Variants in PCDH15 observed in about 807,000 individuals in gnomAD.
PCDH15 encodes protocadherin related 15.
In PCDH15, 129 loss-of-function variants were observed where a neutral mutation model predicts 178.5. The observed-to-expected ratio is 0.72, with a 90% CI of 0.63 to 0.84. PCDH15 has a LOEUF of 0.84. PCDH15 is among the 40% of genes least tolerant of loss of function. The pLI is 0.00. For synonymous variants in PCDH15, 800 were observed against 732.0 expected, an observed-to-expected ratio of 1.09 and a Z score of -1.50; for missense variants, 2,230 against 2,099.9, an observed-to-expected ratio of 1.06 and a Z score of -1.21.
At chr10:55,590,206 C>G (rs1437834209) in intron 2 of PCDH15, among the ~76,000 whole-genome samples, 1 of 151,080 alleles carries the variant, frequency 6.6e-6, no homozygotes, top group African/African-American at 2.4e-5. Context: ...AGTAAACTAT[C>G]ACAAGGACAA....
chr10:54,180,191 T>C (rs1187828912), intron 13 of PCDH15, among the ~76,000 whole-genome samples: 2 of 152,192 alleles, frequency 1.3e-5, no homozygotes, highest in Non-Finnish European at 2.9e-5. Context: ...CTAAGTGTTG[T>C]TCATGACCCA....
chr10:54,532,212 GA>G (rs1027901868), intron 2 of PCDH15, among the ~76,000 whole-genome samples: 1 of 152,066 alleles, frequency 6.6e-6, no homozygotes, highest in African/African-American at 2.4e-5. Flanking sequence ...ATTTTTAAAA[GA>G]ATTTACCATT....
chr10:55,274,454 G>A (rs574679196), intron 1 of PCDH15, among the ~76,000 whole-genome samples: 3 of 151,866 alleles, frequency 2.0e-5, no homozygotes, highest in Non-Finnish European at 4.4e-5. Context: ...TTTCCCAATG[G>A]GAACTAACCT....
chr10:53,810,286 C>A (rs1049834119), intron 37 of PCDH15, among the ~76,000 whole-genome samples: 8 of 152,018 alleles, frequency 5.3e-5, no homozygotes, highest in African/African-American at 1.9e-4. Flanking sequence ...CTTTATGGAG[C>A]AAGATTTAGA....
intron 2 of PCDH15, among the ~76,000 whole-genome samples, chr10:54,551,885 C>T (rs904081765): frequency 7.9e-5 from 12 of 151,936 alleles, no homozygotes; most frequent in African/African-American, 2.9e-4. Context: ...ATGAGAAACT[C>T]ATGTGTTTTC....
chr10:55,556,765 C>T (rs1281793454), intron 2 of PCDH15, among the ~76,000 whole-genome samples: 5 of 152,124 alleles, frequency 3.3e-5, no homozygotes, highest in Admixed American at 6.6e-5. Flanking sequence ...CGCTTGGACC[C>T]GGGAGGCAAA....
intron 2 of PCDH15, among the ~76,000 whole-genome samples, chr10:55,090,251 G>T (rs923582227): frequency 2.0e-5 from 3 of 151,622 alleles, no homozygotes; most frequent in African/African-American, 7.3e-5. Flanking sequence ...TAGTTACTGG[G>T]GTCTTCAGTA....
At chr10:53,937,877 T>G (rs141980037) in intron 25 of PCDH15, among the ~76,000 whole-genome samples, 1 of 152,234 alleles carries the variant, frequency 6.6e-6, no homozygotes, top group East Asian at 1.9e-4. Flanking sequence ...CTGAAATGCC[T>G]TGAAATGATG....
chr10:55,191,691 T>G (rs2132146618), intron 1 of PCDH15, among the ~76,000 whole-genome samples: 1 of 152,054 alleles, frequency 6.6e-6, no homozygotes, highest in East Asian at 1.9e-4. Flanking sequence ...GCACTTAATT[T>G]TATGAAGGTT....
At chr10:54,878,571 C>CT (rs1047240234) in intron 3 of PCDH15, among the ~76,000 whole-genome samples, 10 of 151,344 alleles carry the variant, frequency 6.6e-5, no homozygotes, top group African/African-American at 9.7e-5. Flanking sequence ...CAAACTTTCT[C>CT]TTTTTTTTTG....
chr10:55,458,923 T>C (rs1285461647), intron 2 of PCDH15, among the ~76,000 whole-genome samples: 1 of 152,006 alleles, frequency 6.6e-6, no homozygotes, highest in Non-Finnish European at 1.5e-5. Flanking sequence ...TTTATAACTA[T>C]AAGAACATGC....
intron 23 of PCDH15, among the ~76,000 whole-genome samples, chr10:53,945,628 A>G (rs560408151): frequency 2.2e-4 from 34 of 151,772 alleles, no homozygotes; most frequent in Non-Finnish European, 3.5e-4. Context: ...CAGCTGTTTT[A>G]GATTCCATAT....
chr10:54,367,364 G>A (rs1252125782), intron 5 of PCDH15, among the ~76,000 whole-genome samples: 4 of 147,182 alleles, frequency 2.7e-5, no homozygotes, highest in African/African-American at 5.1e-5. Flanking sequence ...TGATATTTGA[G>A]AAGTTACTGT....
In PCDH15 at chr10:55,016,189, C is replaced by T. The variant is rs12569390; in HGVS notation, c.-79-118689G>A. 5.7e-3 allele frequency among the ~76,000 whole-genome samples: 857 copies of T among 150,320 alleles called. 35 individuals are homozygous for T. The East Asian group carries it at 0.11, about 19-fold the overall frequency. ...GATATTTTGATACAGGCATACAATG[C>T]GTAATAATCACATCAGGGTAAATGT... On this transcript the variant is annotated intron_variant, in intron 2 of 5. Coordinates refer to the PCDH15 transcript ENST00000458638.
chr10:55,147,792 C>T (rs1289180987), intron 2 of PCDH15, among the ~76,000 whole-genome samples: 2 of 147,758 alleles, frequency 1.4e-5, no homozygotes, highest in Non-Finnish European at 3.0e-5. Flanking sequence ...AGGTATATCT[C>T]CTCTTTCTTC....
intron 1 of PCDH15, among the ~76,000 whole-genome samples, chr10:55,292,587 G>A: frequency 6.6e-6 from 1 of 152,040 alleles, no homozygotes. Flanking sequence ...TCACCATGTT[G>A]GCCAGGCTGG....
intron 2 of PCDH15, among the ~76,000 whole-genome samples, chr10:54,610,146 A>C (rs114827133): frequency 0.013 from 1,926 of 151,920 alleles, 44 homozygotes; most frequent in African/African-American, 0.044. Flanking sequence ...ATACTCTTGG[A>C]AGGTAAAGAG....
At chr10:53,957,558 T>C (rs1463724461) in intron 23 of PCDH15, among the ~76,000 whole-genome samples, 2 of 148,920 alleles carry the variant, frequency 1.3e-5, no homozygotes, top group Admixed American at 1.4e-4. Context: ...ATGGGCAGCC[T>C]GGATACAATG....
chr10:55,370,497 C>T (rs1253519101), intron 2 of PCDH15, among the ~76,000 whole-genome samples: 1 of 151,968 alleles, frequency 6.6e-6, no homozygotes, highest in Non-Finnish European at 1.5e-5. Flanking sequence ...ACTAATGAAT[C>T]GCCTGTTAGG....
Sources: allele counts gnomAD v4.1 joint callset (sites outside exome capture counted in the v4.1 genomes callset), GRCh38; gene constraint gnomAD v4.1.1; transcripts MANE v1.5; gene names NCBI Gene and HGNC (gene_info 2026-07-23, HGNC 2026-07-21).